TUSC3: variants seen among roughly 807,000 people sequenced by gnomAD.
TUSC3 encodes dolichyl-diphosphooligosaccharide--protein glycosyltransferase subunit TUSC3.
In TUSC3, 45 loss-of-function variants were observed where a neutral mutation model predicts 44.8. That is an observed-to-expected ratio of 1.00 (90% CI 0.79 to 1.29). The LOEUF (loss-of-function observed/expected upper bound fraction) is 1.29, where lower values mean the gene tolerates loss of function less well. TUSC3 is among the 50% of genes most tolerant of loss of function. The probability of loss-of-function intolerance (pLI) is 0.00; values close to 1 mark genes in which losing one functional copy is unlikely to be tolerated. For synonymous variants in TUSC3, 212 were observed against 152.9 expected, an observed-to-expected ratio of 1.39 and a Z score of -2.85; for missense variants, 519 against 437.9, an observed-to-expected ratio of 1.19 and a Z score of -1.65.
In TUSC3 at chr8:15,623,106, G is replaced by C; in HGVS notation, c.165G>C (p.Gln55His). Residue 55 changes from glutamine (Q) to histidine (H), a missense_variant, in exon 2 of 11, where the codon CAG becomes CAC. By Grantham distance (24) the Gln-to-His change is conservative. Coordinates refer to ENST00000503731, the MANE Select transcript of TUSC3 (RefSeq NM_006765.4). The stretch of plus-strand genomic sequence containing the variant: ...ATCTTTTAGCTGAAAAAGTAGAGCA[G>C]CTGATGGAATGGAGTTCCAGACGCT... Reference protein sequence around the residue: ...KENLLAEKVEQLMEWSSRRSI... With the variant: ...KENLLAEKVEHLMEWSSRRSI... 1 of 1,613,832 alleles carries C rather than the reference G, an allele frequency of 6.2e-7. No homozygotes were observed.
Position 15,504,657 on chromosome 8 carries a change from T to TG in TUSC3, n.189+21174_189+21175insG, listed in dbSNP as rs1463620819. On this transcript the variant is annotated intron_variant and non_coding_transcript_variant, in intron 2 of 5. Transcript: ENST00000503191. ...TTTTTTTTTTTAAGTGGGTTTTTTTTTGTGTGTTTTTTTCGAGATGGAGTC... is the reference window on the plus strand; with the variant it reads ...TTTTTTTTTTTAAGTGGGTTTTTTTTGTGTGTGTTTTTTTCGAGATGGAGTC... Among the ~76,000 whole-genome samples the TG allele has an allele frequency of 6.0e-4, 78 of 129,864 alleles. 2 individuals carry two copies. The highest frequency in any genetic ancestry group is 8.7e-4 in the Non-Finnish European group (53 of 60,788). The allele number at this position is 129,864 out of a possible 152,430, so 85.2% of individuals were successfully genotyped here. A position where few individuals can be genotyped will look rare whatever the true frequency, so the allele number is the denominator to read the frequency against.
At chr8:15,484,591 G>A (rs972122856) in intron 2 of TUSC3, among the ~76,000 whole-genome samples, 1 of 152,190 alleles carries the variant, frequency 6.6e-6, no homozygotes, top group Non-Finnish European at 1.5e-5. Context: ...TAGATAAAAA[G>A]TAAAATTAAT....
intron 3 of TUSC3, among the ~76,000 whole-genome samples, chr8:15,659,273 T>C (rs1041823154): frequency 6.6e-6 from 1 of 152,094 alleles, no homozygotes; most frequent in African/African-American, 2.4e-5. Context: ...ACATAATGCA[T>C]AATTTGAATG....
At chr8:15,472,358 C>G (rs968652350) in intron 1 of TUSC3, among the ~76,000 whole-genome samples, 2 of 152,156 alleles carry the variant, frequency 1.3e-5, no homozygotes, top group South Asian at 2.1e-4. Flanking sequence ...ATTTCTGAAA[C>G]TTTTCTATCT....
downstream of TUSC3, among the ~76,000 whole-genome samples, chr8:15,769,894 G>T (rs11989374): frequency 4.6e-5 from 7 of 152,114 alleles, no homozygotes; most frequent in African/African-American, 1.4e-4. Flanking sequence ...TTAGAATGGC[G>T]ATCATTGAAA....
chr8:15,449,679 G>A (rs79221067), intron 1 of TUSC3, among the ~76,000 whole-genome samples: 4,897 of 152,120 alleles, frequency 0.032, 274 homozygotes, highest in African/African-American at 0.11. Context: ...TTTCTCTGGT[G>A]TCCCTTTGAT....
chr8:15,439,027 C>G (rs1247111154), intron 1 of TUSC3, among the ~76,000 whole-genome samples: 5 of 152,154 alleles, frequency 3.3e-5, no homozygotes, highest in African/African-American at 1.2e-4. Context: ...CCGGAAGGAG[C>G]AAGGATTGAA....
At chr8:15,704,572 A>T (rs900292140) in intron 6 of TUSC3, among the ~76,000 whole-genome samples, 1 of 152,158 alleles carries the variant, frequency 6.6e-6, no homozygotes, top group African/African-American at 2.4e-5. Flanking sequence ...GGTTTATGAC[A>T]ACTACTAAAC....
chr8:15,603,809 T>A (rs1804404531), intron 1 of TUSC3, among the ~76,000 whole-genome samples: 1 of 151,456 alleles, frequency 6.6e-6, no homozygotes. Flanking sequence ...CCTCCACTTA[T>A]AACTGAAATG....
chr8:15,439,825 A>G (rs1170793539), intron 1 of TUSC3, among the ~76,000 whole-genome samples: 6 of 152,224 alleles, frequency 3.9e-5, no homozygotes, highest in Non-Finnish European at 5.9e-5. Context: ...CTGTCACCAT[A>G]CAAATCTGTC....
At chr8:15,592,812 T>C (rs1311938834) in intron 1 of TUSC3, among the ~76,000 whole-genome samples, 1 of 152,174 alleles carries the variant, frequency 6.6e-6, no homozygotes, top group African/African-American at 2.4e-5. Context: ...AACAAACATG[T>C]GATACAGGTA....
chr8:15,707,751 G>A (rs1809677466), intron 6 of TUSC3, among the ~76,000 whole-genome samples: 1 of 151,830 alleles, frequency 6.6e-6, no homozygotes, highest in African/African-American at 2.4e-5. Context: ...AATTTTCTAG[G>A]GCTGTCACAA....
At chr8:15,516,609 G>A (rs1441845483) in intron 2 of TUSC3, among the ~76,000 whole-genome samples, 4 of 152,094 alleles carry the variant, frequency 2.6e-5, no homozygotes, top group Non-Finnish European at 1.5e-5. Flanking sequence ...CGAAATGCTT[G>A]TTTTGCCATT....
At chr8:15,723,995 G>A (rs184470117) in intron 6 of TUSC3, among the ~76,000 whole-genome samples, 2 of 152,264 alleles carry the variant, frequency 1.3e-5, no homozygotes, top group East Asian at 3.9e-4. Context: ...ACCCCGCAGT[G>A]TGACTGTTTG....
chr8:15,535,999 T>C (rs1460198744), upstream of TUSC3, among the ~76,000 whole-genome samples: 1 of 152,198 alleles, frequency 6.6e-6, no homozygotes, highest in Non-Finnish European at 1.5e-5. Flanking sequence ...TTTTTGCAAC[T>C]TTTTTAAAGC....
Position 15,422,295 on chromosome 8 carries a change from C to G in TUSC3, n.91+4990C>G, listed in dbSNP as rs578070604. 6.6e-5 allele frequency among the ~76,000 whole-genome samples: 10 copies of G among 152,154 alleles called. No individual in the cohort carries two copies. In the East Asian group the frequency reaches 9.7e-4, roughly 15 times the overall value. On this transcript the variant is annotated intron_variant and non_coding_transcript_variant, in intron 1 of 5. Coordinates refer to the TUSC3 transcript ENST00000503191. ...TTCTGTTGGTTTATTCTGTTTTATCCTATTCTATTACATTATGTTCCATTC... is the reference window on the plus strand; with the variant it reads ...TTCTGTTGGTTTATTCTGTTTTATCGTATTCTATTACATTATGTTCCATTC...
chr8:15,661,661 CTA>C (rs1807433014), intron 4 of TUSC3, among the ~76,000 whole-genome samples: 1 of 151,962 alleles, frequency 6.6e-6, no homozygotes, highest in East Asian at 1.9e-4. Flanking sequence ...AATAAGCTGT[CTA>C]TGTGGATATA....
chr8:15,798,352 A>G, the TUSC3 span, among the ~76,000 whole-genome samples: 1 of 152,150 alleles, frequency 6.6e-6, no homozygotes, highest in Non-Finnish European at 1.5e-5. Flanking sequence ...CCCATATCCA[A>G]AAAGCCATAA....
chr8:15,418,884 T>G (rs941651517), intron 1 of TUSC3, among the ~76,000 whole-genome samples: 2 of 152,170 alleles, frequency 1.3e-5, no homozygotes, highest in Non-Finnish European at 2.9e-5. Context: ...CACATGCCTG[T>G]AGTCCTAGCT....
Sources: gnomAD v4.1 joint callset for allele counts (sites outside exome capture counted in the v4.1 genomes callset) on GRCh38, gnomAD v4.1.1 for gene constraint, MANE v1.5 for transcripts, NCBI Gene and HGNC (gene_info 2026-07-23, HGNC 2026-07-21) for gene names.